Variants in PTPRK observed in about 807,000 individuals in gnomAD.
PTPRK encodes receptor-type tyrosine-protein phosphatase kappa.
PTPRK carries 75 observed loss-of-function variants against 178.0 expected under a neutral mutation model. That is an observed-to-expected ratio of 0.42 (90% CI 0.35 to 0.51). PTPRK has a LOEUF of 0.51. PTPRK is among the 20% of genes least tolerant of loss of function. The probability of loss-of-function intolerance (pLI) is 0.02; values close to 1 mark genes in which losing one functional copy is unlikely to be tolerated. For synonymous variants in PTPRK, 637 were observed against 620.6 expected, an observed-to-expected ratio of 1.03 and a Z score of -0.39; for missense variants, 1,441 against 1,797.8, an observed-to-expected ratio of 0.80 and a Z score of 3.59.
intron 6 of PTPRK, among the ~76,000 whole-genome samples, chr6:128,200,892 G>A (rs1241004511): frequency 6.5e-5 from 4 of 61,486 alleles, no homozygotes; most frequent in African/African-American, 3.0e-4. Flanking sequence ...AGGGAGGGAA[G>A]GAGGGAGGGA....
At chr6:128,242,628 TA>T in intron 3 of PTPRK, 26 bp from the exon 4 acceptor site, 1 of 1,608,122 alleles carries the variant, frequency 6.2e-7, no homozygotes, top group Non-Finnish European at 8.5e-7. Flanking sequence ...AGAAAATATT[TA>T]CAACAATAGT....
At chr6:128,407,666 A>C (rs1217702155) in intron 1 of PTPRK, among the ~76,000 whole-genome samples, 1 of 150,812 alleles carries the variant, frequency 6.6e-6, no homozygotes, top group African/African-American at 2.4e-5. Context: ...GAAGAAGAAG[A>C]AGAAGAAGAA....
At chr6:128,309,943 T>A (rs945908998) in intron 3 of PTPRK, among the ~76,000 whole-genome samples, 2 of 152,098 alleles carry the variant, frequency 1.3e-5, no homozygotes, top group Admixed American at 1.3e-4. Flanking sequence ...AAAAATAATA[T>A]GGAAAGTTCC....
intron 1 of PTPRK, among the ~76,000 whole-genome samples, chr6:128,503,765 T>C (rs755214629): frequency 2.6e-5 from 4 of 151,848 alleles, no homozygotes; most frequent in Non-Finnish European, 5.9e-5. Flanking sequence ...CTTTAACTAC[T>C]GAGCTCAAGC....
intron 2 of PTPRK, among the ~76,000 whole-genome samples, chr6:128,379,862 T>C (rs1837630806): frequency 6.6e-6 from 1 of 152,212 alleles, no homozygotes; most frequent in South Asian, 2.1e-4. Context: ...TTTTGTTATT[T>C]CATAATATTT....
chr6:128,148,202 A>G (rs146210092), intron 7 of PTPRK, among the ~76,000 whole-genome samples: 1 of 152,160 alleles, frequency 6.6e-6, no homozygotes, highest in Non-Finnish European at 1.5e-5. Flanking sequence ...GCTGGCCATC[A>G]TGGTAGAAGA....
At chr6:128,070,989 C>A (rs964798062) in intron 11 of PTPRK, among the ~76,000 whole-genome samples, 1 of 151,618 alleles carries the variant, frequency 6.6e-6, no homozygotes, top group South Asian at 2.1e-4. Flanking sequence ...TGAAAAATCC[C>A]GAGCATTATT....
intron 1 of PTPRK, among the ~76,000 whole-genome samples, chr6:128,411,683 G>A (rs899326960): frequency 5.3e-5 from 8 of 152,184 alleles, no homozygotes; most frequent in Non-Finnish European, 1.0e-4. Flanking sequence ...GAACACAAAT[G>A]AAGTGTAAAG....
intron 1 of PTPRK, among the ~76,000 whole-genome samples, chr6:128,487,235 A>G (rs797022417): frequency 4.0e-5 from 6 of 148,770 alleles, no homozygotes; most frequent in African/African-American, 1.5e-4. Context: ...TTCCTGGTGT[A>G]GCTCAGGAAC....
intron 16 of PTPRK, among the ~76,000 whole-genome samples, chr6:127,998,176 T>A (rs1008239214): frequency 6.6e-6 from 1 of 152,120 alleles, no homozygotes; most frequent in Admixed American, 6.5e-5. Flanking sequence ...TGCCTTCTTT[T>A]GGCTTCTCAG....
chr6:127,987,304 G>A (rs1428371604), intron 21 of PTPRK, among the ~76,000 whole-genome samples: 1 of 150,832 alleles, frequency 6.6e-6, no homozygotes, highest in African/African-American at 2.4e-5. Context: ...TTTCCAAATA[G>A]GATTGTATTA....
rs190483026 is a variant in PTPRK at position 128,504,180 on chromosome 6, G to A, written c.100+16079C>T. 2.2e-3 allele frequency among the ~76,000 whole-genome samples: 329 copies of A among 152,134 alleles called. 3 individuals are homozygous for A. The highest frequency in any genetic ancestry group is 0.021 in the Admixed American group (318 of 15,280). On this transcript the variant is annotated intron_variant, in intron 1 of 29. Coordinates refer to ENST00000368226, the MANE Select transcript of PTPRK (RefSeq NM_002844.4). ...GAACAATAAGAGTCTTGACCTAAAAGGACCCCTCTTATTCTTTCAAAGCAT... is the reference window on the plus strand; with the variant it reads ...GAACAATAAGAGTCTTGACCTAAAAAGACCCCTCTTATTCTTTCAAAGCAT...
chr6:127,988,043 T>C (rs901755761), intron 21 of PTPRK, among the ~76,000 whole-genome samples: 8 of 152,136 alleles, frequency 5.3e-5, no homozygotes, highest in African/African-American at 1.9e-4. Flanking sequence ...AGTTGAAATA[T>C]TCTTGCATTC....
intron 7 of PTPRK, among the ~76,000 whole-genome samples, chr6:128,165,357 T>C (rs1446989217): frequency 1.3e-5 from 2 of 151,416 alleles, no homozygotes; most frequent in Non-Finnish European, 3.0e-5. Flanking sequence ...ACATACAGTA[T>C]GCACACAGGA....
chr6:128,096,465 G>A (rs1787918800), intron 7 of PTPRK, among the ~76,000 whole-genome samples: 1 of 152,100 alleles, frequency 6.6e-6, no homozygotes, highest in African/African-American at 2.4e-5. Context: ...ATAATTTCTA[G>A]TTATTCTGAA....
chr6:128,415,133 T>G (rs143776023), intron 1 of PTPRK, among the ~76,000 whole-genome samples: 4 of 152,278 alleles, frequency 2.6e-5, no homozygotes, highest in Admixed American at 1.3e-4. Context: ...CGGCCTAGAC[T>G]AGGGAAGTAT....
chr6:128,217,138 G>C (rs1562808117), intron 6 of PTPRK, among the ~76,000 whole-genome samples: 1 of 152,130 alleles, frequency 6.6e-6, no homozygotes, highest in Non-Finnish European at 1.5e-5. Flanking sequence ...TCAAAATTAG[G>C]CTCAGGTGAG....
chr6:128,003,742 T>C (rs181654678), intron 15 of PTPRK, among the ~76,000 whole-genome samples: 1 of 152,026 alleles, frequency 6.6e-6, no homozygotes, highest in Admixed American at 6.6e-5. Context: ...TGATTAAATA[T>C]TAAATTAAGT....
Position 127,985,752 on chromosome 6 carries a change from G to A in PTPRK, c.3220C>T (p.Pro1074Ser). 1.9e-6 allele frequency: 3 copies of A among 1,613,954 alleles called. No homozygotes were observed. Among genetic ancestry groups the A allele is most frequent in the Non-Finnish European group, 2.5e-6 (3 of 1,179,894 alleles). Reference protein sequence around the residue: ...FIRRVKLSNPPSAGPIVVHCS... With the variant: ...FIRRVKLSNPSSAGPIVVHCS... ...TGTACAACGATGGGGCCAGCACTGG[G>A]AGGGTTTGATAACTTGACTCGCCGG... Residue 1074 changes from proline (P) to serine (S), a missense_variant, in exon 22 of 30, where the codon CCC becomes TCC. This residue lies in a region of PTPRK where 335 missense variants were observed against 512.4 expected (regional missense o/e 0.65). Transcript: ENST00000368226.
Sources: gnomAD v4.1 joint callset for allele counts (sites outside exome capture counted in the v4.1 genomes callset) on GRCh38, gnomAD v4.1.1 for gene constraint, gnomAD v4.1.1 regional missense constraint, MANE v1.5 for transcripts, NCBI Gene and HGNC (gene_info 2026-07-23, HGNC 2026-07-21) for gene names.